Variants in PDLIM5 observed in about 807,000 individuals in gnomAD.
The protein encoded by PDLIM5 is PDZ and LIM domain protein 5.
Under a neutral mutation model 64.2 loss-of-function variants are expected in PDLIM5, and 34 were observed. The ratio of observed to expected loss-of-function variants is 0.53; its 90% CI spans 0.40 to 0.71. The LOEUF is 0.71. Ranked by LOEUF, PDLIM5 falls within the 30% of genes least tolerant of loss-of-function variation. PDLIM5 has a pLI of 0.00. For missense variants in PDLIM5, 683 were observed against 733.6 expected (o/e 0.93, Z 0.80); for synonymous variants, 253 against 269.1 (o/e 0.94, Z 0.59).
chr4:94,498,522 G>T (rs149081931), intron 2 of PDLIM5, among the ~76,000 whole-genome samples: 19 of 152,270 alleles, frequency 1.2e-4, no homozygotes, highest in African/African-American at 4.3e-4. Flanking sequence ...ACATTTATGA[G>T]AATTGTATTT....
intron 11 of PDLIM5, 57 bp downstream of exon 11, chr4:94,657,604 C>G: frequency 1.5e-6 from 2 of 1,297,700 alleles, no homozygotes; most frequent in Non-Finnish European, 2.2e-6. Flanking sequence ...AACATTAACC[C>G]TTATATTACT....
At chr4:94,491,511 ATAT>A (rs960605686) in intron 2 of PDLIM5, among the ~76,000 whole-genome samples, 21 of 152,080 alleles carry the variant, frequency 1.4e-4, no homozygotes, top group Non-Finnish European at 2.4e-4. Context: ...CATCACTTTC[ATAT>A]TATGCTGCTA....
At chr4:94,527,344 C>T (rs908286554) in intron 3 of PDLIM5, among the ~76,000 whole-genome samples, 1 of 151,844 alleles carries the variant, frequency 6.6e-6, no homozygotes, top group Non-Finnish European at 1.5e-5. Flanking sequence ...CATGAGTCAC[C>T]ACGCGTGGCC....
chr4:94,590,594 T>G (rs2110328795), intron 7 of PDLIM5, among the ~76,000 whole-genome samples: 1 of 152,336 alleles, frequency 6.6e-6, no homozygotes, highest in African/African-American at 2.4e-5. Context: ...GAAGGATTAC[T>G]TTAGATTATG....
At chr4:94,487,670 T>C (rs1333297622) in intron 2 of PDLIM5, among the ~76,000 whole-genome samples, 1 of 152,352 alleles carries the variant, frequency 6.6e-6, no homozygotes, top group East Asian at 1.9e-4. Flanking sequence ...TTCATGGTGC[T>C]TACTGGTGAC....
intron 8 of PDLIM5, among the ~76,000 whole-genome samples, chr4:94,627,249 A>C (rs1739773823): frequency 1.3e-5 from 2 of 152,212 alleles, no homozygotes; most frequent in African/African-American, 4.8e-5. Context: ...TTACATAACA[A>C]GTAGATTTTT....
chr4:94,568,217 T>C (rs531697779), intron 3 of PDLIM5, among the ~76,000 whole-genome samples: 1 of 152,362 alleles, frequency 6.6e-6, no homozygotes, highest in South Asian at 2.1e-4. Context: ...CGCTTGTTTT[T>C]ACTAAAGTTT....
intron 3 of PDLIM5, chr4:94,550,122 A>C (rs1341993390): frequency 6.6e-6 from 1 of 152,040 alleles, no homozygotes; most frequent in Non-Finnish European, 1.5e-5. Context: ...ATAGTTATAT[A>C]ATGATTCAGT....
At chr4:94,483,864 C>T (rs1388375128) in intron 2 of PDLIM5, among the ~76,000 whole-genome samples, 2 of 152,098 alleles carry the variant, frequency 1.3e-5, no homozygotes, top group African/African-American at 4.8e-5. Flanking sequence ...TTATATTTAT[C>T]TTAGTACAAT....
intron 3 of PDLIM5, among the ~76,000 whole-genome samples, chr4:94,527,615 T>G (rs926331247): frequency 1.3e-5 from 2 of 152,050 alleles, no homozygotes; most frequent in Non-Finnish European, 2.9e-5. Context: ...AGGAAAGCAG[T>G]GAGTGAAACA....
At chr4:94,519,868 T>C (rs1274923658) in intron 2 of PDLIM5, among the ~76,000 whole-genome samples, 1 of 152,170 alleles carries the variant, frequency 6.6e-6, no homozygotes, top group Non-Finnish European at 1.5e-5. Flanking sequence ...CCCACAGTCT[T>C]TCCTATCTGC....
intron 3 of PDLIM5, among the ~76,000 whole-genome samples, chr4:94,561,147 C>A (rs941842224): frequency 6.6e-6 from 1 of 152,052 alleles, no homozygotes; most frequent in Non-Finnish European, 1.5e-5. Flanking sequence ...ATAGTATACT[C>A]CTGAGAAAAA....
intron 2 of PDLIM5, among the ~76,000 whole-genome samples, chr4:94,492,993 G>A (rs1301098496): frequency 2.6e-5 from 4 of 152,148 alleles, no homozygotes; most frequent in Non-Finnish European, 1.5e-5. Flanking sequence ...CCCACCAGCA[G>A]TGTATGAGGG....
chr4:94,571,197 G>A (rs543417301), intron 3 of PDLIM5, among the ~76,000 whole-genome samples: 33 of 152,114 alleles, frequency 2.2e-4, no homozygotes, highest in South Asian at 6.2e-4. Flanking sequence ...ATTCTAACCG[G>A]TACATCACAA....
At chr4:94,641,089 G>A in intron 9 of PDLIM5, among the ~76,000 whole-genome samples, 1 of 152,206 alleles carries the variant, frequency 6.6e-6, no homozygotes, top group East Asian at 1.9e-4. Context: ...TTCTGAATAA[G>A]GGGCTTTTAG....
chr4:94,550,151 C>T (rs1732685778), intron 3 of PDLIM5, among the ~76,000 whole-genome samples: 1 of 151,990 alleles, frequency 6.6e-6, no homozygotes, highest in African/African-American at 2.4e-5. Context: ...CATCTGAATA[C>T]ATTTTTGTTG....
intron 9 of PDLIM5, among the ~76,000 whole-genome samples, chr4:94,648,157 G>A (rs1472424641): frequency 6.6e-6 from 1 of 151,244 alleles, no homozygotes; most frequent in Non-Finnish European, 1.5e-5. Context: ...CAAGAACAAA[G>A]ATTACAGCAG....
At chr4:94,579,074 G>C (rs915216502) in intron 5 of PDLIM5, 1 of 152,124 alleles carries the variant, frequency 6.6e-6, no homozygotes, top group African/African-American at 2.4e-5. Context: ...CATGAAATCT[G>C]TACATAACGT....
chr4:94,588,277 C>T lies in PDLIM5; in HGVS notation c.920+1833C>T, dbSNP rs940440652. 4.5e-5 allele frequency: 29 copies of T among 650,958 alleles called. No homozygotes were observed. The African/African-American group carries it at 4.8e-4, about 11-fold the overall frequency. The allele number at this position is 650,958 out of a possible 1,614,324, so 40.3% of individuals were successfully genotyped here. ...GTTACTAAAATATGGGTATAAAACA[C>T]GGCAGGCCAGGTGCGGTGGCTCACG... On this transcript the variant is annotated intron_variant, in intron 7 of 12. Coordinates refer to ENST00000317968, the MANE Select transcript of PDLIM5 (RefSeq NM_006457.5).
Sources: allele counts gnomAD v4.1 joint callset (sites outside exome capture counted in the v4.1 genomes callset), GRCh38; gene constraint gnomAD v4.1.1; transcripts MANE v1.5; gene names NCBI Gene and HGNC (gene_info 2026-07-23, HGNC 2026-07-21).